Variants in ZNF500 observed in about 807,000 individuals in gnomAD.
ZNF500 encodes the protein zinc finger protein 500, also known as zinc finger protein with KRAB and SCAN domains 18.
In ZNF500, 31 loss-of-function variants were observed where a neutral mutation model predicts 30.1. The ratio of observed to expected loss-of-function variants is 1.03; its 90% confidence interval spans 0.77 to 1.39. The LOEUF is 1.39. ZNF500 is among the 40% of genes most tolerant of loss of function. ZNF500 has a pLI of 0.00. For missense variants in ZNF500, 817 were observed against 657.8 expected (o/e 1.24, Z -2.65); for synonymous variants, 392 against 282.0 (o/e 1.39, Z -3.91).
chr16:4,755,722 C>T (rs539852879), intron 5 of ZNF500, among the ~76,000 whole-genome samples: 1 of 152,236 alleles, frequency 6.6e-6, no homozygotes, highest in Admixed American at 6.5e-5. Context: ...CCCAAGAAAA[C>T]TGAAAACATG....
intron 5 of ZNF500, among the ~76,000 whole-genome samples, chr16:4,753,964 C>T (rs563949436): frequency 6.6e-6 from 1 of 152,234 alleles, no homozygotes; most frequent in African/African-American, 2.4e-5. Flanking sequence ...GAGCCACCAC[C>T]AACAGGACAG....
downstream of ZNF500, chr16:4,746,238 G>A (rs2142213383): frequency 1.1e-5 from 10 of 930,038 alleles, no homozygotes; most frequent in South Asian, 1.5e-4. Flanking sequence ...AAGAGCAAAT[G>A]TGTTTAATGT....
intron 4 of ZNF500, 92 bp from the exon 5 acceptor site, chr16:4,760,680 C>T: frequency 8.7e-7 from 1 of 1,147,526 alleles, no homozygotes; most frequent in Non-Finnish European, 1.3e-6. Context: ...ACCGCCACTG[C>T]CCCTCGAGGC....
intron 4 of ZNF500, among the ~76,000 whole-genome samples, chr16:4,760,829 G>T (rs894930800): frequency 4.6e-5 from 7 of 152,148 alleles, no homozygotes; most frequent in Non-Finnish European, 1.0e-4. Flanking sequence ...TCGCCACGAG[G>T]AGTGGTGGAC....
At chr16:4,761,622 G>A (rs1016258224) in intron 4 of ZNF500, among the ~76,000 whole-genome samples, 1 of 151,296 alleles carries the variant, frequency 6.6e-6, no homozygotes, top group Admixed American at 6.6e-5. Context: ...TAGGCAAGAG[G>A]ATCACTTGAG....
At position 4,760,583 on chromosome 16, in the gene ZNF500, G is replaced by A. The variant is rs142352672; in HGVS notation, c.669C>T (p.Pro223=). ...ATACAGCCACGTCCTCCAAGTTCAC[G>A]GGCACCTGCCAGAACGCACCCCACT... ...SPFLSAWSQV[P]VNLEDVAVYL... The change falls in exon 5 of 6, where the codon CCC becomes CCT. Residue 223 remains proline (P), a synonymous_variant. Coordinates refer to ENST00000219478, the MANE Select transcript of ZNF500 (RefSeq NM_021646.4). 739 of 1,612,942 alleles carry A rather than the reference G, an allele frequency of 4.6e-4. 5 individuals carry two copies. Among genetic ancestry groups the A allele is most frequent in the Middle Eastern group, 3.1e-3 (19 of 6,054 alleles).
At chr16:4,765,477 G>A in intron 2 of ZNF500, 88 bp downstream of exon 2, 5 of 1,501,512 alleles carry the variant, frequency 3.3e-6, no homozygotes, top group Non-Finnish European at 3.6e-6. Context: ...GCCACACTTG[G>A]TCACCCAATG....
chr16:4,746,800 G>A (rs930265372), downstream of ZNF500: 35 of 902,336 alleles, frequency 3.9e-5, 1 homozygote, highest in East Asian at 7.3e-4. Flanking sequence ...GACGTCCACC[G>A]GCCTCCAGTG....
chr16:4,757,235 A>T (rs1171388937), intron 5 of ZNF500, among the ~76,000 whole-genome samples: 1 of 152,216 alleles, frequency 6.6e-6, no homozygotes, highest in East Asian at 1.9e-4. Context: ...AAGTTTCCAC[A>T]GTGTGGAAGG....
chr16:4,744,855 T>C, downstream of ZNF500: 1 of 1,608,686 alleles, frequency 6.2e-7, no homozygotes, highest in Non-Finnish European at 8.5e-7. Context: ...CAGCCTCTCC[T>C]TTGGCCATCC....
chr16:4,752,137 C>T lies in ZNF500; in HGVS notation c.*239G>A. On this transcript the variant is annotated 3_prime_UTR_variant, in exon 6 of 6. Coordinates refer to ENST00000219478, the MANE Select transcript of ZNF500 (RefSeq NM_021646.4). ...TGTGTCTCTGTGGCTGAAGCCCCTG[C>T]TCTGTGTCACCTGTTCTGGCTGCCA... is the stretch of plus-strand genomic sequence containing the variant. 2 of 1,367,654 alleles carry T rather than the reference C, an allele frequency of 1.5e-6. No individual in the cohort carries two copies. The highest frequency in any genetic ancestry group is 1.5e-5 in the African/African-American group (1 of 68,390). The allele number at this position is 1,367,654 out of a possible 1,614,324, so 84.7% of individuals were successfully genotyped here. A position where few individuals can be genotyped will look rare whatever the true frequency, so the allele number is the denominator to read the frequency against.
rs190030780 is a variant in ZNF500 at position 4,752,892 on chromosome 16, G to A, written c.927C>T (p.Gly309=). ...AAGCCCGTCTTCCTGGTGGGGGGCC[G>A]CCTCTTGGCTGATCAGGCCTGACCA... ...RGLVRPDQPR[G]GPPPGRRASH... is the part of the protein sequence containing the mutation. The change falls in exon 6 of 6, where the codon GGC becomes GGT. Residue 309 remains glycine, a synonymous_variant. Transcript: ENST00000219478. 5.0e-5 allele frequency: 80 copies of A among 1,613,996 alleles called. No homozygotes were observed. The East Asian group carries it at 1.4e-3, about 28-fold the overall frequency.
intron 5 of ZNF500, among the ~76,000 whole-genome samples, chr16:4,754,434 C>T (rs371250416): frequency 2.6e-5 from 4 of 151,918 alleles, no homozygotes; most frequent in Non-Finnish European, 4.4e-5. Context: ...CCGAGGAAGG[C>T]GGATCACTTG....
At chr16:4,755,652 C>T (rs558311146) in intron 5 of ZNF500, among the ~76,000 whole-genome samples, 1 of 152,208 alleles carries the variant, frequency 6.6e-6, no homozygotes, top group African/African-American at 2.4e-5. Context: ...AGTCTGGCAG[C>T]TCATCAAAAG....
chr16:4,762,174 T>A lies in ZNF500; in HGVS notation c.663+97A>T, dbSNP rs376072029. 36 of 1,387,600 alleles carry A rather than the reference T, an allele frequency of 2.6e-5. No individual in the cohort carries two copies. The South Asian group carries it at 4.3e-4, about 17-fold the overall frequency. 86.0% of individuals were successfully genotyped at this position (1,387,600 alleles called of 1,614,324 possible). A position where few individuals can be genotyped will look rare whatever the true frequency, so the allele number is the denominator to read the frequency against. ...AGAGCTCCTCTGACATCCAAAACCT[T>A]GGCCCCCAGGAGAGGTGTCCCCTTA... is the stretch of plus-strand genomic sequence containing the variant. On this transcript the variant is annotated intron_variant, in intron 4 of 5. Transcript: ENST00000219478.
Position 4,761,496 on chromosome 16 carries a change from C to T in ZNF500, c.663+775G>A, listed in dbSNP as rs892670573. 3.5e-5 allele frequency among the ~76,000 whole-genome samples: 5 copies of T among 142,066 alleles called. No homozygotes were observed. The East Asian group carries it at 5.9e-4, about 17-fold the overall frequency. The allele number at this position is 142,066 out of a possible 152,430, so 93.2% of individuals were successfully genotyped here. A position where few individuals can be genotyped will look rare whatever the true frequency, so the allele number is the denominator to read the frequency against. The stretch of plus-strand genomic sequence containing the variant: ...ACATACATACACACACACACACACA[C>T]ACACACACACACACACACACACACA... On this transcript the variant is annotated intron_variant, in intron 4 of 5. Coordinates refer to ENST00000219478, the MANE Select transcript of ZNF500 (RefSeq NM_021646.4).
In ZNF500 at chr16:4,765,680, G is replaced by C; in HGVS notation, c.299C>G (p.Thr100Ser). The C allele has an allele frequency of 6.2e-7, 1 of 1,613,652 alleles. No homozygotes were observed. The change falls in exon 2 of 6, where the codon ACT becomes AGT. Residue 100 changes from threonine to serine, a missense_variant. Coordinates refer to ENST00000219478, the MANE Select transcript of ZNF500 (RefSeq NM_021646.4). Reference protein sequence around the residue: ...LELLVLEQFLTVLPGEIQARV... With the variant: ...LELLVLEQFLSVLPGEIQARV... ...AGCCTGGATCTCCCCCGGCAGCACA[G>C]TCAGGAACTGCTCCAGCACCAGCAG...
chr16:4,754,671 TAA>T (rs1200934224), intron 5 of ZNF500, among the ~76,000 whole-genome samples: 2 of 121,520 alleles, frequency 1.6e-5, no homozygotes, highest in African/African-American at 6.1e-5. Context: ...CTCAAAAAAA[TAA>T]AAAAAAAAAA....
intron 5 of ZNF500, among the ~76,000 whole-genome samples, chr16:4,757,701 C>G (rs140040457): frequency 4.6e-5 from 7 of 151,926 alleles, no homozygotes; most frequent in Admixed American, 6.6e-5. Context: ...CTCCCGGGTT[C>G]AAGCGATTCT....
Sources: allele counts gnomAD v4.1 joint callset (sites outside exome capture counted in the v4.1 genomes callset), GRCh38; gene constraint gnomAD v4.1.1; transcripts MANE v1.5; gene names NCBI Gene and HGNC (gene_info 2026-07-23, HGNC 2026-07-21).